The following RAB2A variants were observed in gnomAD, a reference collection of about 807,000 sequenced individuals.
RAB2A encodes the protein ras-related protein Rab-2A.
In RAB2A, 7 loss-of-function variants were observed where a neutral mutation model predicts 32.5. The ratio of observed to expected loss-of-function variants is 0.22; its 90% CI spans 0.12 to 0.40. The LOEUF is 0.40. Among genes scored for constraint, RAB2A ranks in the 10% least tolerant of loss-of-function variants. The pLI, the probability that RAB2A is intolerant of heterozygous loss-of-function variation, is 1.00. For synonymous variants in RAB2A, 79 were observed against 85.2 expected, an observed-to-expected ratio of 0.93 and a Z score of 0.40; for missense variants, 108 against 260.7, an observed-to-expected ratio of 0.41 and a Z score of 4.03.
intron 1 of RAB2A, among the ~76,000 whole-genome samples, chr8:60,526,214 T>C (rs1050790745): frequency 6.6e-6 from 1 of 152,052 alleles, no homozygotes; most frequent in African/African-American, 2.4e-5. Flanking sequence ...TTCAGCTACC[T>C]GGCTCATTCA....
At chr8:60,527,427 A>G (rs998007492) in intron 1 of RAB2A, among the ~76,000 whole-genome samples, 24 of 152,244 alleles carry the variant, frequency 1.6e-4, no homozygotes, top group African/African-American at 5.5e-4. Context: ...GAGAGGCCTC[A>G]GGAAAATTAC....
At chr8:60,546,340 A>C (rs2007283) in intron 1 of RAB2A, among the ~76,000 whole-genome samples, 1 of 152,120 alleles carries the variant, frequency 6.6e-6, no homozygotes, top group African/African-American at 2.4e-5. Context: ...TTTGAGGTGC[A>C]AGACTTGACC....
chr8:60,521,719 C>G (rs1329847161), intron 1 of RAB2A, among the ~76,000 whole-genome samples: 1 of 152,182 alleles, frequency 6.6e-6, no homozygotes, highest in Admixed American at 6.5e-5. Context: ...CTCTTAGGTT[C>G]AAGCGATTCT....
At chr8:60,587,721 T>C (rs1803873524) in intron 5 of RAB2A, among the ~76,000 whole-genome samples, 1 of 152,156 alleles carries the variant, frequency 6.6e-6, no homozygotes, top group African/African-American at 2.4e-5. Flanking sequence ...TTTAAAACAA[T>C]ATGTTGTACA....
At chr8:60,549,327 C>A (rs1354523839) in intron 1 of RAB2A, among the ~76,000 whole-genome samples, 1 of 152,206 alleles carries the variant, frequency 6.6e-6, no homozygotes, top group Middle Eastern at 3.2e-3. Context: ...GAGATCACGC[C>A]ACTGCACTCC....
At chr8:60,554,912 C>G (rs1312143762) in intron 1 of RAB2A, among the ~76,000 whole-genome samples, 1 of 151,960 alleles carries the variant, frequency 6.6e-6, no homozygotes, top group Non-Finnish European at 1.5e-5. Flanking sequence ...TTCGTCCTCT[C>G]AAATGAAAAG....
At position 60,623,145 on chromosome 8, in the gene RAB2A, G is replaced by A. The variant is rs973043277; in HGVS notation, c.*2376G>A. 1.3e-5 allele frequency: 2 copies of A among 152,130 alleles called. No homozygotes were observed. The highest frequency in any genetic ancestry group is 2.9e-5 in the Non-Finnish European group (2 of 68,016). The allele number at this position is 152,130 out of a possible 1,614,324, so 9.4% of individuals were successfully genotyped here. A position where few individuals can be genotyped will look rare whatever the true frequency, so the allele number is the denominator to read the frequency against. On this transcript the variant is annotated 3_prime_UTR_variant, in exon 8 of 8. Coordinates refer to ENST00000262646, the MANE Select transcript of RAB2A (RefSeq NM_002865.3). ...CTTCATAAAGACATTGTTACCATTC[G>A]TCTTGCAAATTTAAGACAACTGAAT...
chr8:60,541,914 CAG>C (rs1807651790), intron 1 of RAB2A, among the ~76,000 whole-genome samples: 1 of 152,102 alleles, frequency 6.6e-6, no homozygotes, highest in African/African-American at 2.4e-5. Flanking sequence ...GCATTGACAA[CAG>C]AGGCTATTGT....
rs1265772615 is a variant in RAB2A at position 60,621,407 on chromosome 8, G to T, written c.*638G>T. 6.6e-6 allele frequency: 1 copy of T among 152,058 alleles called. No homozygotes were observed. The highest frequency in any genetic ancestry group is 1.5e-5 in the Non-Finnish European group (1 of 68,000). 9.4% of individuals were successfully genotyped at this position (152,058 alleles called of 1,614,324 possible). On this transcript the variant is annotated 3_prime_UTR_variant, in exon 8 of 8. Transcript: ENST00000262646. ...TTAACAAGCATGTTCATCTTTTCTT[G>T]TCACTAGTCCAAGAAAAATATGCTT...
intron 1 of RAB2A, among the ~76,000 whole-genome samples, chr8:60,555,686 T>C (rs1286616887): frequency 6.6e-6 from 1 of 152,166 alleles, no homozygotes; most frequent in Non-Finnish European, 1.5e-5. Context: ...GAATGGCTAT[T>C]ATCAAAAAGA....
intron 2 of RAB2A, chr8:60,569,871 G>T (rs775914906): frequency 7.1e-6 from 3 of 422,026 alleles, no homozygotes; most frequent in Non-Finnish European, 1.4e-5. Flanking sequence ...TCTAGCTAAG[G>T]TAAGCAAAGA....
At position 60,574,820 on chromosome 8, in the gene RAB2A, G is replaced by A. The variant is rs1269865126; in HGVS notation, c.186+2707G>A. On this transcript the variant is annotated intron_variant, in intron 3 of 7. Transcript: ENST00000262646. ...TATGCTGGACAGTATGAGAAAGGAA[G>A]AGAAGAAAAACCCTTGTTTGTGTTC... Among the ~76,000 whole-genome samples, 4 of 152,236 alleles carry A rather than the reference G, an allele frequency of 2.6e-5. No individual in the cohort carries two copies. In the East Asian group the frequency reaches 7.7e-4, roughly 29 times the overall value.
At chr8:60,595,948 C>A (rs1305394612) in intron 6 of RAB2A, among the ~76,000 whole-genome samples, 1 of 152,138 alleles carries the variant, frequency 6.6e-6, no homozygotes. Flanking sequence ...TCTACAAATA[C>A]TTGGAAACTA....
In RAB2A at chr8:60,615,942, G is replaced by A. The variant is rs968665716; in HGVS notation, c.475-2638G>A. On this transcript the variant is annotated intron_variant, in intron 6 of 7. Coordinates refer to ENST00000262646, the MANE Select transcript of RAB2A (RefSeq NM_002865.3). ...TGTCATGAAGTATGTAAAACAACCC[G>A]TTTGTATTGTATCCTCTATAATATG... Among the ~76,000 whole-genome samples, 7 of 151,990 alleles carry A rather than the reference G, an allele frequency of 4.6e-5. 1 individual carries two copies. Among genetic ancestry groups the A allele is most frequent in the African/African-American group, 7.2e-5 (3 of 41,382 alleles).
chr8:60,555,587 C>T (rs953449456), intron 1 of RAB2A, among the ~76,000 whole-genome samples: 2 of 151,956 alleles, frequency 1.3e-5, no homozygotes. Context: ...CACAAATGGC[C>T]ATCAAGTATA....
At chr8:60,598,569 A>G (rs2150431455) in intron 6 of RAB2A, among the ~76,000 whole-genome samples, 2 of 152,226 alleles carry the variant, frequency 1.3e-5, no homozygotes, top group South Asian at 4.1e-4. Context: ...TATATACATC[A>G]TGGCCACATG....
At chr8:60,540,352 G>C (rs776415749) in intron 1 of RAB2A, among the ~76,000 whole-genome samples, 1 of 152,006 alleles carries the variant, frequency 6.6e-6, no homozygotes, top group Non-Finnish European at 1.5e-5. Flanking sequence ...TTACAGATGA[G>C]AGCTGGAATT....
chr8:60,536,004 A>G (rs564805493), intron 1 of RAB2A, among the ~76,000 whole-genome samples: 16 of 152,340 alleles, frequency 1.1e-4, no homozygotes, highest in African/African-American at 3.6e-4. Context: ...TCCTGCTTTG[A>G]TGAATATCGT....
chr8:60,539,406 C>G (rs1228094113), intron 1 of RAB2A, among the ~76,000 whole-genome samples: 2 of 152,082 alleles, frequency 1.3e-5, no homozygotes, highest in Non-Finnish European at 2.9e-5. Flanking sequence ...CTCACAATAG[C>G]CAATGAATAA....
Sources: allele counts gnomAD v4.1 joint callset (sites outside exome capture counted in the v4.1 genomes callset), GRCh38; gene constraint gnomAD v4.1.1; transcripts MANE v1.5; gene names NCBI Gene and HGNC (gene_info 2026-07-23, HGNC 2026-07-21).